CYTH3: variants seen among roughly 807,000 people sequenced by gnomAD.
The protein encoded by CYTH3 is cytohesin-3.
A neutral mutation model predicts 55.1 loss-of-function variants in CYTH3; 23 were observed. The ratio of observed to expected loss-of-function variants is 0.42; its 90% CI spans 0.30 to 0.59. The LOEUF is 0.59. CYTH3 is among the 20% of genes least tolerant of loss of function. CYTH3 has a pLI of 0.20. For missense variants in CYTH3, 413 were observed against 524.8 expected, an observed-to-expected ratio of 0.79 and a Z score of 2.08; for synonymous variants, 249 against 194.9, an observed-to-expected ratio of 1.28 and a Z score of -2.31.
At chr7:6,190,594 G>T (rs1047389941) in intron 1 of CYTH3, 63 bp from the exon 2 acceptor site, 32 of 1,331,794 alleles carry the variant, frequency 2.4e-5, no homozygotes, top group Non-Finnish European at 3.1e-5. Flanking sequence ...CAGCAAGGTT[G>T]AGGTGGGTAC....
intron 1 of CYTH3, among the ~76,000 whole-genome samples, chr7:6,240,677 G>A (rs1468534061): frequency 1.3e-5 from 2 of 152,052 alleles, no homozygotes; most frequent in African/African-American, 4.8e-5. Context: ...CCACACATCA[G>A]AATAAACTCC....
chr7:6,192,604 T>C (rs968690132), intron 1 of CYTH3, among the ~76,000 whole-genome samples: 1 of 144,144 alleles, frequency 6.9e-6, no homozygotes, highest in Non-Finnish European at 1.5e-5. Context: ...CGATCTCAGC[T>C]CACTGCAACC....
In CYTH3 at chr7:6,171,185, G is replaced by A; in HGVS notation, c.562+17C>T. 2 of 1,613,434 alleles carry A rather than the reference G, an allele frequency of 1.2e-6. No homozygotes were observed. Among genetic ancestry groups the A allele is most frequent in the South Asian group, 2.2e-5 (2 of 91,078 alleles). On this transcript the variant is annotated intron_variant, in intron 7 of 12. Transcript: ENST00000350796. The surrounding 1 kb of genome is among the most constrained non-coding windows in gnomAD (Gnocchi z 6.7). Reference sequence around the variant, plus strand: ...GCTGTGCCTGGCAAGGGGCCAGGCTGTGGGCTCTGCACTGACCTGTGGACT... The same window carrying A: ...GCTGTGCCTGGCAAGGGGCCAGGCTATGGGCTCTGCACTGACCTGTGGACT...
chr7:6,182,525 A>G (rs74325292), intron 4 of CYTH3, among the ~76,000 whole-genome samples: 1,943 of 152,190 alleles, frequency 0.013, 40 homozygotes, highest in African/African-American at 0.044. Context: ...TAAAGGATTT[A>G]AGAGACAAAG....
At chr7:6,244,949 C>T (rs1015429199) in intron 1 of CYTH3, among the ~76,000 whole-genome samples, 16 of 124,508 alleles carry the variant, frequency 1.3e-4, no homozygotes, top group African/African-American at 3.2e-4. Flanking sequence ...CCACCACGCC[C>T]GGCTAATTTT....
intron 1 of CYTH3, among the ~76,000 whole-genome samples, chr7:6,235,288 C>T (rs1312886635): frequency 6.6e-6 from 1 of 152,008 alleles, no homozygotes; most frequent in Non-Finnish European, 1.5e-5. Flanking sequence ...ACAGCCTGGC[C>T]AAAGTGGTGA....
At chr7:6,186,450 G>C (rs1386254934) in intron 4 of CYTH3, among the ~76,000 whole-genome samples, 1 of 152,100 alleles carries the variant, frequency 6.6e-6, no homozygotes, top group Non-Finnish European at 1.5e-5. Flanking sequence ...TCAAAAACAA[G>C]CAGCTACATG....
In CYTH3 at chr7:6,182,657, C is replaced by A. The variant is rs1016872096; in HGVS notation, c.249+4393G>T. Among the ~76,000 whole-genome samples, 4 of 152,178 alleles carry A rather than the reference C, an allele frequency of 2.6e-5. No homozygotes were observed. The South Asian group carries it at 8.3e-4, about 32-fold the overall frequency. On this transcript the variant is annotated intron_variant, in intron 4 of 12. Coordinates refer to ENST00000350796, the MANE Select transcript of CYTH3 (RefSeq NM_004227.4). ...AAGTAGCTGGGACTACAGGTGCATA[C>A]CACCATGCCTGGCTTATTTTTTTAA...
chr7:6,272,418 G>T, intron 1 of CYTH3, 56 bp downstream of exon 1: 1 of 1,182,750 alleles, frequency 8.5e-7, no homozygotes. Context: ...TCGACCCCCA[G>T]CCCCCGGCCC....
chr7:6,243,750 C>G (rs1391044920), intron 1 of CYTH3, among the ~76,000 whole-genome samples: 1 of 152,142 alleles, frequency 6.6e-6, no homozygotes, highest in Non-Finnish European at 1.5e-5. Flanking sequence ...ACTGTAGGGT[C>G]AGAGGTGGTA....
At position 6,191,798 on chromosome 7, in the gene CYTH3, C is replaced by T. The variant is rs116826619; in HGVS notation, c.35-1267G>A. On this transcript the variant is annotated intron_variant, in intron 1 of 12. Coordinates refer to ENST00000350796, the MANE Select transcript of CYTH3 (RefSeq NM_004227.4). ...ATTATATCAAAGTTAAGAAACTAGGCCAGGCAAGGTGGCTCATGCCTGTAT... is the reference window on the plus strand; with the variant it reads ...ATTATATCAAAGTTAAGAAACTAGGTCAGGCAAGGTGGCTCATGCCTGTAT... Among the ~76,000 whole-genome samples the T allele has an allele frequency of 5.1e-3, 782 of 152,074 alleles. 5 individuals carry two copies. Among genetic ancestry groups the T allele is most frequent in the African/African-American group, 0.018 (746 of 41,486 alleles).
intron 1 of CYTH3, among the ~76,000 whole-genome samples, chr7:6,260,196 A>C (rs1288888606): frequency 6.6e-6 from 1 of 151,972 alleles, no homozygotes; most frequent in Admixed American, 6.6e-5. Context: ...ATTTCATTTC[A>C]TTTCAAAAGT....
chr7:6,191,742 T>A (rs1344868126), intron 1 of CYTH3, among the ~76,000 whole-genome samples: 1 of 152,014 alleles, frequency 6.6e-6, no homozygotes, highest in Non-Finnish European at 1.5e-5. Flanking sequence ...AGACAAAATA[T>A]AAATCACAAA....
At chr7:6,195,854 A>G (rs886603471) in intron 1 of CYTH3, among the ~76,000 whole-genome samples, 1 of 152,184 alleles carries the variant, frequency 6.6e-6, no homozygotes, top group Non-Finnish European at 1.5e-5. Context: ...TAATGGCTGA[A>G]ATGTCCCAAA....
At chr7:6,175,490 T>G (rs1330111988) in intron 5 of CYTH3, among the ~76,000 whole-genome samples, 1 of 152,094 alleles carries the variant, frequency 6.6e-6, no homozygotes, top group East Asian at 1.9e-4. Context: ...GTTCCATCAT[T>G]TATGTATGTG....
intron 2 of CYTH3, among the ~76,000 whole-genome samples, chr7:6,188,525 A>C (rs1477547455): frequency 6.6e-6 from 1 of 151,754 alleles, no homozygotes; most frequent in East Asian, 1.9e-4. Flanking sequence ...TCTCAGGCTG[A>C]AGCTCAGGTG....
At chr7:6,213,942 G>A (rs1359311574) in intron 1 of CYTH3, among the ~76,000 whole-genome samples, 3 of 152,138 alleles carry the variant, frequency 2.0e-5, no homozygotes, top group Admixed American at 6.5e-5. Context: ...GTTATTCTCA[G>A]CATCCTTTTA....
intron 1 of CYTH3, among the ~76,000 whole-genome samples, chr7:6,236,831 G>C (rs1562403514): frequency 1.3e-5 from 2 of 152,158 alleles, no homozygotes; most frequent in African/African-American, 4.8e-5. Context: ...CCAAAGTGCT[G>C]CGATTACAGG....
At chr7:6,232,446 C>G (rs1038078432) in intron 1 of CYTH3, among the ~76,000 whole-genome samples, 8 of 152,306 alleles carry the variant, frequency 5.3e-5, no homozygotes, top group African/African-American at 1.9e-4. Flanking sequence ...GACAGGTGGA[C>G]CACATGGCCT....
Sources: allele counts gnomAD v4.1 joint callset (sites outside exome capture counted in the v4.1 genomes callset), GRCh38; gene constraint gnomAD v4.1.1; non-coding constraint Gnocchi (gnomAD v3.1); transcripts MANE v1.5; gene names NCBI Gene and HGNC (gene_info 2026-07-23, HGNC 2026-07-21).